SV2C: variants seen among roughly 807,000 people sequenced by gnomAD.
SV2C encodes the protein solute carrier family 22 member B3.
Under a neutral mutation model 79.7 loss-of-function variants are expected in SV2C, and 49 were observed. The observed-to-expected ratio is 0.61, with a 90% confidence interval of 0.49 to 0.78. The LOEUF (loss-of-function observed/expected upper bound fraction) is 0.78. Ranked by LOEUF, SV2C falls within the 30% of genes least tolerant of loss-of-function variation. The pLI, the probability that SV2C is intolerant of heterozygous loss-of-function variation, is 0.00. For missense variants in SV2C, 833 were observed against 912.9 expected (o/e 0.91, Z 1.13); for synonymous variants, 334 against 333.2 (o/e 1.00, Z -0.03).
intron 12 of SV2C, among the ~76,000 whole-genome samples, chr5:76,314,906 A>G (rs1580064567): frequency 6.6e-6 from 1 of 152,108 alleles, no homozygotes; most frequent in African/African-American, 2.4e-5. Flanking sequence ...ATCATTATTT[A>G]CCCTGGCCCA....
At chr5:76,207,852 A>T (rs1346945216) in intron 3 of SV2C, among the ~76,000 whole-genome samples, 1 of 151,168 alleles carries the variant, frequency 6.6e-6, no homozygotes, top group Admixed American at 6.6e-5. Flanking sequence ...AAAAATAAAA[A>T]TAAAATAAAA....
At chr5:75,884,616 C>T in the SV2C span, among the ~76,000 whole-genome samples, 1 of 151,878 alleles carries the variant, frequency 6.6e-6, no homozygotes, top group Non-Finnish European at 1.5e-5. Flanking sequence ...AAATGATGAA[C>T]TTAAAAAACA....
chr5:76,275,158 T>C (rs935290010), intron 4 of SV2C, among the ~76,000 whole-genome samples: 14 of 152,190 alleles, frequency 9.2e-5, no homozygotes, highest in African/African-American at 3.4e-4. Context: ...TACCAAAAAC[T>C]ATTTCATTAA....
chr5:75,994,538 AAGG>A, the SV2C span, among the ~76,000 whole-genome samples: 2 of 152,124 alleles, frequency 1.3e-5, no homozygotes, highest in Non-Finnish European at 2.9e-5. Flanking sequence ...GAGGGCATTG[AAGG>A]AGAAGATCTC....
the SV2C span, among the ~76,000 whole-genome samples, chr5:75,995,068 T>C: frequency 8.5e-6 from 1 of 118,166 alleles, no homozygotes; most frequent in African/African-American, 3.5e-5. Context: ...AGAGCAAATT[T>C]ACCTCTTCTC....
intron 4 of SV2C, among the ~76,000 whole-genome samples, chr5:76,278,215 C>T (rs1053341875): frequency 6.6e-6 from 1 of 151,818 alleles, no homozygotes; most frequent in Admixed American, 6.6e-5. Flanking sequence ...AGAACACTTC[C>T]TATGGACTAG....
chr5:76,178,518 C>T (rs1029671806), intron 2 of SV2C, among the ~76,000 whole-genome samples: 30 of 151,998 alleles, frequency 2.0e-4, no homozygotes, highest in Non-Finnish European at 1.3e-4. Flanking sequence ...GAGGGAAGCC[C>T]ACCTTTATTT....
At chr5:75,898,510 G>T in the SV2C span, among the ~76,000 whole-genome samples, 2 of 152,174 alleles carry the variant, frequency 1.3e-5, no homozygotes, top group East Asian at 3.9e-4. Flanking sequence ...GTTCATCAAG[G>T]ATATTGGTCT....
chr5:76,303,233 T>C (rs1748070643), intron 12 of SV2C, among the ~76,000 whole-genome samples: 1 of 152,214 alleles, frequency 6.6e-6, no homozygotes, highest in Non-Finnish European at 1.5e-5. Context: ...CCTTCATTCA[T>C]TCAACAAATG....
chr5:76,149,321 G>A (rs992827029), intron 2 of SV2C, among the ~76,000 whole-genome samples: 3 of 152,172 alleles, frequency 2.0e-5, no homozygotes, highest in African/African-American at 7.2e-5. Flanking sequence ...ACCTAGACCA[G>A]TGCCCCCCAG....
the SV2C span, among the ~76,000 whole-genome samples, chr5:75,919,928 G>T: frequency 6.6e-6 from 1 of 152,340 alleles, no homozygotes; most frequent in East Asian, 1.9e-4. Context: ...TTGGTTAACT[G>T]CTGTCATACC....
intron 4 of SV2C, among the ~76,000 whole-genome samples, chr5:76,279,525 C>T (rs1475441582): frequency 6.6e-6 from 1 of 152,156 alleles, no homozygotes; most frequent in African/African-American, 2.4e-5. Flanking sequence ...TTACAAAAAA[C>T]AGTGGAATGG....
chr5:76,291,211 C>T lies in SV2C; in HGVS notation c.1138-10C>T, dbSNP rs1218238228. 6.3e-7 allele frequency: 1 copy of T among 1,594,558 alleles called. No individual in the cohort carries two copies. The highest frequency in any genetic ancestry group is 8.6e-7 in the Non-Finnish European group (1 of 1,166,106). On this transcript the variant is annotated splice_polypyrimidine_tract_variant and intron_variant, in intron 6 of 12. Transcript: ENST00000502798. ...GGTAACTTAGCGCTTTGGTCTGTTT[C>T]TCTCTACAGGTAAACAAAATAAAAA... is the stretch of plus-strand genomic sequence containing the variant.
the SV2C span, among the ~76,000 whole-genome samples, chr5:75,890,896 C>G: frequency 1.3e-5 from 2 of 152,018 alleles, no homozygotes; most frequent in Non-Finnish European, 2.9e-5. Flanking sequence ...GGAAAGCCTT[C>G]CCCTACCATT....
chr5:75,887,445 G>A, the SV2C span, among the ~76,000 whole-genome samples: 2 of 151,720 alleles, frequency 1.3e-5, no homozygotes, highest in Non-Finnish European at 1.5e-5. Flanking sequence ...ATGTAAGTGA[G>A]ATCTTGTAGT....
the SV2C span, among the ~76,000 whole-genome samples, chr5:75,967,009 T>C: frequency 6.6e-6 from 1 of 152,156 alleles, no homozygotes; most frequent in South Asian, 2.1e-4. Flanking sequence ...ATAAGGTATA[T>C]ACACTATCAT....
At chr5:75,899,777 T>C in the SV2C span, among the ~76,000 whole-genome samples, 1 of 152,184 alleles carries the variant, frequency 6.6e-6, no homozygotes, top group African/African-American at 2.4e-5. Context: ...ATATTTAGGA[T>C]AGTTAGCTCT....
At chr5:75,966,396 A>C in the SV2C span, among the ~76,000 whole-genome samples, 1 of 152,196 alleles carries the variant, frequency 6.6e-6, no homozygotes, top group Non-Finnish European at 1.5e-5. Context: ...CCCTACTGAA[A>C]TAGGAGACTG....
intron 4 of SV2C, among the ~76,000 whole-genome samples, chr5:76,231,390 G>T (rs112797410): frequency 6.6e-6 from 1 of 152,126 alleles, no homozygotes; most frequent in East Asian, 1.9e-4. Context: ...AAAGATCCAG[G>T]AGTTAATGTA....
Sources: allele counts gnomAD v4.1 joint callset (sites outside exome capture counted in the v4.1 genomes callset), GRCh38; gene constraint gnomAD v4.1.1; transcripts MANE v1.5; gene names NCBI Gene and HGNC (gene_info 2026-07-23, HGNC 2026-07-21).